MAP3K13: variants seen among roughly 807,000 people sequenced by gnomAD.
MAP3K13 encodes the protein leucine zipper-bearing kinase.
A neutral mutation model predicts 104.0 loss-of-function variants in MAP3K13; 52 were observed. That is an observed-to-expected ratio of 0.50 (90% confidence interval 0.40 to 0.63). The LOEUF (loss-of-function observed/expected upper bound fraction) is 0.63. MAP3K13 is among the 20% of genes least tolerant of loss of function. MAP3K13 has a pLI of 0.00. For synonymous variants in MAP3K13, 394 were observed against 442.2 expected (o/e 0.89, Z 1.37); for missense variants, 914 against 1,218.5 (o/e 0.75, Z 3.72).
chr3:185,409,966 A>G (rs970612996), intron 1 of MAP3K13, among the ~76,000 whole-genome samples: 1 of 152,102 alleles, frequency 6.6e-6, no homozygotes, highest in Non-Finnish European at 1.5e-5. Context: ...AAACTGTCCC[A>G]CCTCAGATCA....
At chr3:185,324,695 T>C (rs138923043) in intron 2 of MAP3K13, among the ~76,000 whole-genome samples, 2 of 152,242 alleles carry the variant, frequency 1.3e-5, no homozygotes, top group East Asian at 3.9e-4. Flanking sequence ...TCATGTCATT[T>C]CCTCCATTTG....
At chr3:185,303,000 A>T (rs902807424) in intron 2 of MAP3K13, among the ~76,000 whole-genome samples, 1 of 152,164 alleles carries the variant, frequency 6.6e-6, no homozygotes, top group Non-Finnish European at 1.5e-5. Flanking sequence ...TTGTATTAAG[A>T]TAATATCCTT....
chr3:185,330,736 T>C (rs1722234721), intron 2 of MAP3K13, among the ~76,000 whole-genome samples: 1 of 152,150 alleles, frequency 6.6e-6, no homozygotes, highest in African/African-American at 2.4e-5. Context: ...TTGAAAACAA[T>C]GTTTTTAACC....
chr3:185,379,732 A>C (rs1724612787), intron 1 of MAP3K13, among the ~76,000 whole-genome samples: 1 of 152,158 alleles, frequency 6.6e-6, no homozygotes, highest in Admixed American at 6.5e-5. Context: ...TGAGTTATAC[A>C]TTCATTATTT....
At chr3:185,349,458 A>T (rs1285221803) in intron 2 of MAP3K13, among the ~76,000 whole-genome samples, 1 of 149,244 alleles carries the variant, frequency 6.7e-6, no homozygotes, top group Non-Finnish European at 1.5e-5. Flanking sequence ...CATTCTTTTT[A>T]TGGGTCTGTG....
In MAP3K13 at chr3:185,466,894, A is replaced by G. The variant is rs1343248321; in HGVS notation, c.1574A>G (p.His525Arg). ...CGACACCCTGTTCGTCCTATCATCC[A>G]TCCCAATGCCATGGAGAAACTCATG... is the stretch of plus-strand genomic sequence containing the variant. ...YKRHPVRPII[H>R]PNAMEKLMKR... Residue 525 changes from histidine (H) to arginine (R), a missense_variant, in exon 10 of 14, where the codon CAT becomes CGT. His to Arg is a conservative substitution (Grantham distance 29). Transcript: ENST00000265026. The G allele has an allele frequency of 3.7e-6, 6 of 1,613,896 alleles. No individual in the cohort carries two copies. The highest frequency in any genetic ancestry group is 1.7e-6 in the Non-Finnish European group (2 of 1,179,888).
intron 2 of MAP3K13, among the ~76,000 whole-genome samples, chr3:185,313,114 A>G (rs1046877261): frequency 6.6e-6 from 1 of 151,448 alleles, no homozygotes; most frequent in Non-Finnish European, 1.5e-5. Context: ...ACTTGAACCC[A>G]GGAGGTGGAG....
At chr3:185,323,177 C>T (rs935062907) in intron 2 of MAP3K13, among the ~76,000 whole-genome samples, 5 of 152,148 alleles carry the variant, frequency 3.3e-5, no homozygotes, top group Non-Finnish European at 4.4e-5. Flanking sequence ...TAACATCTTA[C>T]ATAACTATGG....
chr3:185,286,324 A>G (rs749503566), intron 2 of MAP3K13, among the ~76,000 whole-genome samples: 10 of 152,106 alleles, frequency 6.6e-5, no homozygotes, highest in Non-Finnish European at 1.3e-4. Context: ...ATCACTAAAC[A>G]TTAAACTTAC....
chr3:185,376,569 GT>G (rs1724441473), intron 1 of MAP3K13, among the ~76,000 whole-genome samples: 1 of 152,154 alleles, frequency 6.6e-6, no homozygotes, highest in Non-Finnish European at 1.5e-5. Context: ...GAGAGCCAGT[GT>G]GGGAGCAGCT....
intron 7 of MAP3K13, among the ~76,000 whole-genome samples, chr3:185,455,624 GAT>G (rs1391440843): frequency 5.1e-5 from 1 of 19,760 alleles, no homozygotes; most frequent in African/African-American, 1.5e-4. Flanking sequence ...TGAGATATAT[GAT>G]ATATATATGA....
At chr3:185,319,641 AT>A (rs1721791243) in intron 2 of MAP3K13, among the ~76,000 whole-genome samples, 2 of 152,208 alleles carry the variant, frequency 1.3e-5, no homozygotes, top group South Asian at 4.1e-4. Context: ...TAGATACCAA[AT>A]TGCATGGTGG....
At chr3:185,308,032 T>TTTG (rs1721361351) in intron 2 of MAP3K13, among the ~76,000 whole-genome samples, 2 of 142,286 alleles carry the variant, frequency 1.4e-5, no homozygotes, top group Admixed American at 7.0e-5. Context: ...TTTTTTTTTT[T>TTTG]GAGACTTACT....
chr3:185,346,178 G>A (rs999213988), intron 2 of MAP3K13, among the ~76,000 whole-genome samples: 1 of 151,920 alleles, frequency 6.6e-6, no homozygotes, highest in Non-Finnish European at 1.5e-5. Flanking sequence ...CCCCAATAAC[G>A]CGTTTTCTTA....
intron 2 of MAP3K13, among the ~76,000 whole-genome samples, chr3:185,431,938 G>T (rs545588484): frequency 6.6e-6 from 1 of 151,858 alleles, no homozygotes; most frequent in South Asian, 2.1e-4. Flanking sequence ...TCAGTCCCTG[G>T]TTTTATGTAT....
chr3:185,331,053 C>T (rs936938206), intron 2 of MAP3K13, among the ~76,000 whole-genome samples: 1 of 151,476 alleles, frequency 6.6e-6, no homozygotes, highest in Non-Finnish European at 1.5e-5. Context: ...CCCTACTCCA[C>T]TTCCACCATA....
At chr3:185,291,219 A>G (rs1720724538) in intron 2 of MAP3K13, among the ~76,000 whole-genome samples, 1 of 152,188 alleles carries the variant, frequency 6.6e-6, no homozygotes, top group South Asian at 2.1e-4. Flanking sequence ...CTCTTCCAAC[A>G]AGCATTTTGG....
chr3:185,289,748 G>A (rs1720662140), intron 2 of MAP3K13, among the ~76,000 whole-genome samples: 1 of 152,104 alleles, frequency 6.6e-6, no homozygotes. Flanking sequence ...CTATATTAAT[G>A]GATATTCAAT....
At chr3:185,308,240 G>C (rs1721372660) in intron 2 of MAP3K13, among the ~76,000 whole-genome samples, 1 of 151,938 alleles carries the variant, frequency 6.6e-6, no homozygotes, top group South Asian at 2.1e-4. Flanking sequence ...TATCTCCTCT[G>C]AACTGTGCCT....
Sources: allele counts gnomAD v4.1 joint callset (sites outside exome capture counted in the v4.1 genomes callset), GRCh38; gene constraint gnomAD v4.1.1; transcripts MANE v1.5; gene names NCBI Gene and HGNC (gene_info 2026-07-23, HGNC 2026-07-21).